NRXN3: variants seen among roughly 807,000 people sequenced by gnomAD.
The protein encoded by NRXN3 is neurexin III.
NRXN3 carries 32 observed loss-of-function variants against 137.6 expected under a neutral mutation model. The observed-to-expected ratio is 0.23, with a 90% confidence interval of 0.18 to 0.31. The LOEUF (loss-of-function observed/expected upper bound fraction) is 0.31, where lower values mean the gene tolerates loss of function less well. Ranked by LOEUF, NRXN3 falls within the 10% of genes least tolerant of loss-of-function variation. The pLI is 1.00. For synonymous variants in NRXN3, 798 were observed against 784.5 expected (o/e 1.02, Z -0.29); for missense variants, 1,574 against 2,062.5 (o/e 0.76, Z 4.59).
chr14:79,407,567 A>G (rs1356522998), intron 15 of NRXN3, among the ~76,000 whole-genome samples: 2 of 152,130 alleles, frequency 1.3e-5, no homozygotes, highest in Non-Finnish European at 2.9e-5. Flanking sequence ...AGCACATAGT[A>G]AGGCTTTTAG....
chr14:79,590,462 C>G (rs936151265), intron 16 of NRXN3, among the ~76,000 whole-genome samples: 1 of 136,938 alleles, frequency 7.3e-6, no homozygotes, highest in East Asian at 2.3e-4. Context: ...CTAGTCAATA[C>G]TGAGTTGACT....
At chr14:79,611,681 T>G (rs1273915305) in intron 16 of NRXN3, 2 of 152,232 alleles carry the variant, frequency 1.3e-5, no homozygotes, top group Non-Finnish European at 2.9e-5. Flanking sequence ...GCAAGCCAGA[T>G]AGCACCAATG....
At chr14:79,008,661 C>CT (rs372617673) in intron 15 of NRXN3, among the ~76,000 whole-genome samples, 2,576 of 130,726 alleles carry the variant, frequency 0.02, 38 homozygotes, top group African/African-American at 0.043. Context: ...TTTCTCTTTG[C>CT]TTTTTTTTTT....
chr14:79,014,113 A>T (rs2099575406), intron 15 of NRXN3, among the ~76,000 whole-genome samples: 2 of 152,096 alleles, frequency 1.3e-5, no homozygotes, highest in South Asian at 4.1e-4. Flanking sequence ...CTCTTTTTTT[A>T]AACTTTTATT....
intron 4 of NRXN3, among the ~76,000 whole-genome samples, chr14:78,513,720 T>G (rs1599714749): frequency 6.6e-6 from 1 of 152,132 alleles, no homozygotes; most frequent in South Asian, 2.1e-4. Context: ...GTCTGTAACA[T>G]CAGCTCGTGA....
chr14:78,914,406 G>T (rs80207993), intron 10 of NRXN3, among the ~76,000 whole-genome samples: 1 of 152,300 alleles, frequency 6.6e-6, no homozygotes, highest in East Asian at 1.9e-4. Flanking sequence ...ATAACAGGTG[G>T]TGATAAGTTC....
chr14:79,411,375 C>T (rs1294079872), intron 15 of NRXN3, among the ~76,000 whole-genome samples: 1 of 152,082 alleles, frequency 6.6e-6, no homozygotes, highest in African/African-American at 2.4e-5. Context: ...CCTTGCCACC[C>T]CCAACCCTGC....
intron 15 of NRXN3, among the ~76,000 whole-genome samples, chr14:79,428,947 A>G (rs913439945): frequency 2.0e-5 from 3 of 152,196 alleles, no homozygotes; most frequent in African/African-American, 7.2e-5. Context: ...TTTACTTTTT[A>G]TAGATTGTTA....
chr14:78,221,542 T>C (rs1284034196), intron 1 of NRXN3, among the ~76,000 whole-genome samples: 1 of 152,170 alleles, frequency 6.6e-6, no homozygotes, highest in Non-Finnish European at 1.5e-5. Flanking sequence ...GATATATTGG[T>C]CAGTTATTAC....
intron 15 of NRXN3, among the ~76,000 whole-genome samples, chr14:78,998,762 C>CTTTT (rs1237108042): frequency 8.3e-6 from 1 of 119,806 alleles, no homozygotes; most frequent in African/African-American, 3.2e-5. Flanking sequence ...CCATGCCCAG[C>CTTTT]TTTTTTTTTT....
At chr14:79,634,882 C>G (rs1402743753) in intron 16 of NRXN3, among the ~76,000 whole-genome samples, 1 of 152,158 alleles carries the variant, frequency 6.6e-6, no homozygotes, top group African/African-American at 2.4e-5. Context: ...TAAGATCGAC[C>G]TTTTTAGATT....
chr14:79,643,658 C>A (rs2098442335), intron 16 of NRXN3, among the ~76,000 whole-genome samples: 1 of 135,026 alleles, frequency 7.4e-6, no homozygotes, highest in East Asian at 2.0e-4. Context: ...CAAACTAACC[C>A]ACTGATTAGA....
chr14:79,657,825 T>G (rs951595539), intron 16 of NRXN3, among the ~76,000 whole-genome samples: 2 of 152,212 alleles, frequency 1.3e-5, no homozygotes, highest in Non-Finnish European at 2.9e-5. Context: ...TGCCTAAGAT[T>G]TATTGCACGA....
At chr14:79,189,137 C>G (rs796282869) in intron 15 of NRXN3, among the ~76,000 whole-genome samples, 5 of 151,788 alleles carry the variant, frequency 3.3e-5, no homozygotes, top group Admixed American at 3.3e-4. Context: ...GGAACCAACC[C>G]AAATGTCCAA....
intron 1 of NRXN3, among the ~76,000 whole-genome samples, chr14:78,194,286 T>C (rs1382838406): frequency 2.6e-5 from 4 of 152,000 alleles, no homozygotes; most frequent in Non-Finnish European, 5.9e-5. Context: ...TGGAGGCTCA[T>C]ATCTGGTGCT....
intron 10 of NRXN3, among the ~76,000 whole-genome samples, chr14:78,954,916 C>T (rs760837681): frequency 3.9e-5 from 6 of 152,034 alleles, no homozygotes; most frequent in Non-Finnish European, 5.9e-5. Flanking sequence ...GACCTCCAAA[C>T]GTTAGCATCA....
chr14:79,762,344 A>T (rs1223064060), intron 19 of NRXN3, among the ~76,000 whole-genome samples: 1 of 151,720 alleles, frequency 6.6e-6, no homozygotes, highest in East Asian at 1.9e-4. Context: ...ATGCTCAAGT[A>T]GTTAGAAAGT....
chr14:79,242,739 C>A (rs2074505065), intron 15 of NRXN3, among the ~76,000 whole-genome samples: 1 of 152,152 alleles, frequency 6.6e-6, no homozygotes, highest in Non-Finnish European at 1.5e-5. Flanking sequence ...TCATTCAGCT[C>A]CATCAGTCAG....
intron 15 of NRXN3, among the ~76,000 whole-genome samples, chr14:79,116,277 C>T (rs1245306498): frequency 2.0e-5 from 3 of 152,138 alleles, no homozygotes; most frequent in African/African-American, 7.2e-5. Context: ...AGCAGTACAG[C>T]CGGCTAATGG....
Sources: allele counts gnomAD v4.1 joint callset (sites outside exome capture counted in the v4.1 genomes callset), GRCh38; gene constraint gnomAD v4.1.1; transcripts MANE v1.5; gene names NCBI Gene and HGNC (gene_info 2026-07-23, HGNC 2026-07-21).